WDR19: variants seen among roughly 807,000 people sequenced by gnomAD.
The protein encoded by WDR19 is WD repeat-containing protein 19.
In WDR19, 121 loss-of-function variants were observed where a neutral mutation model predicts 180.0. The ratio of observed to expected loss-of-function variants is 0.67; its 90% CI spans 0.58 to 0.78. The LOEUF (loss-of-function observed/expected upper bound fraction) is 0.78, where lower values mean the gene tolerates loss of function less well. WDR19 is among the 30% of genes least tolerant of loss of function. The probability of loss-of-function intolerance (pLI) is 0.00; values close to 1 mark genes in which losing one functional copy is unlikely to be tolerated. For synonymous variants in WDR19, 497 were observed against 540.7 expected (o/e 0.92, Z 1.12); for missense variants, 1,450 against 1,640.7 (o/e 0.88, Z 2.01).
chr4:39,245,743 A>C (rs1411286707), intron 24 of WDR19, among the ~76,000 whole-genome samples: 2 of 152,222 alleles, frequency 1.3e-5, no homozygotes, highest in African/African-American at 4.8e-5. Context: ...TTGTTATTTT[A>C]TTAAGAAGGA....
chr4:39,285,590 T>C lies in WDR19; in HGVS notation c.*117T>C, dbSNP rs1737119202. The C allele has an allele frequency of 6.6e-6, 1 of 152,220 alleles. No individual in the cohort carries two copies. Among genetic ancestry groups the C allele is most frequent in the Non-Finnish European group, 1.5e-5 (1 of 68,048 alleles). The allele number at this position is 152,220 out of a possible 1,614,324, so 9.4% of individuals were successfully genotyped here. On this transcript the variant is annotated 3_prime_UTR_variant, in exon 37 of 37. Coordinates refer to ENST00000399820, the MANE Select transcript of WDR19 (RefSeq NM_025132.4). ...TGGATACAGAGAAATGAAACAACGG[T>C]GACCTCTCCAGGTCGGCACTTTCCA...
chr4:39,263,305 A>G (rs1458987507), intron 28 of WDR19, among the ~76,000 whole-genome samples: 1 of 152,074 alleles, frequency 6.6e-6, no homozygotes, highest in Non-Finnish European at 1.5e-5. Flanking sequence ...CTAAATATAG[A>G]AGTCTCGTCT....
intron 36 of WDR19, among the ~76,000 whole-genome samples, chr4:39,284,372 T>C (rs1193023076): frequency 7.5e-6 from 1 of 134,000 alleles, no homozygotes; most frequent in Non-Finnish European, 1.6e-5. Flanking sequence ...AGGATCTCAC[T>C]CTGCTGCCTG....
chr4:39,218,758 C>A (rs1729349521), intron 14 of WDR19: 1 of 152,400 alleles, frequency 6.6e-6, no homozygotes, highest in African/African-American at 2.4e-5. Context: ...AACTTTTTGA[C>A]TCTTTTGTAG....
intron 9 of WDR19, among the ~76,000 whole-genome samples, chr4:39,209,065 T>G (rs936872850): frequency 1.3e-5 from 2 of 152,170 alleles, no homozygotes; most frequent in African/African-American, 4.8e-5. Flanking sequence ...TTCACATTTT[T>G]TTCAAGTGCC....
chr4:39,282,578 A>G (rs1227457926), intron 36 of WDR19, among the ~76,000 whole-genome samples: 1 of 151,942 alleles, frequency 6.6e-6, no homozygotes, highest in African/African-American at 2.4e-5. Flanking sequence ...TTGTATTTTT[A>G]TTAGAGATGG....
rs115335610 is a variant in WDR19, at chr4:39,274,910, G to A, written c.3668G>A (p.Arg1223His). The A allele has an allele frequency of 8.4e-5, 135 of 1,614,014 alleles. No individual in the cohort carries two copies. Among genetic ancestry groups the A allele is most frequent in the Middle Eastern group, 1.6e-4 (1 of 6,062 alleles). Residue 1223 changes from arginine (R) to histidine (H), a missense_variant, in exon 33 of 37, where the codon CGC becomes CAC. Coordinates refer to ENST00000399820, the MANE Select transcript of WDR19 (RefSeq NM_025132.4). ...FAAMLMRPEY[R>H]SKIDAKYKKK... ...GCTATGTTGATGAGGCCTGAATACCGCAGCAAAATAGATGCCAAATACAAA... is the reference window on the plus strand; with the variant it reads ...GCTATGTTGATGAGGCCTGAATACCACAGCAAAATAGATGCCAAATACAAA...
At chr4:39,185,870 C>T (rs1725466304) in intron 2 of WDR19, 53 bp downstream of exon 2, 4 of 1,366,384 alleles carry the variant, frequency 2.9e-6, no homozygotes, top group Non-Finnish European at 4.0e-6. Context: ...TGTAATCACA[C>T]CATCTACTCA....
intron 5 of WDR19, among the ~76,000 whole-genome samples, chr4:39,195,366 CAA>C (rs10710164): frequency 4.6e-4 from 62 of 135,636 alleles, no homozygotes; most frequent in Middle Eastern, 7.5e-3. Context: ...GACTTCATCT[CAA>C]AAAAAAAAAA....
chr4:39,183,614 T>C (rs2109734796), intron 1 of WDR19, among the ~76,000 whole-genome samples: 1 of 152,318 alleles, frequency 6.6e-6, no homozygotes, highest in East Asian at 1.9e-4. Flanking sequence ...AGTGTGGAAA[T>C]TGGAATTGAC....
At chr4:39,275,670 G>T (rs919378420) in intron 33 of WDR19, among the ~76,000 whole-genome samples, 21 of 152,184 alleles carry the variant, frequency 1.4e-4, no homozygotes, top group African/African-American at 5.1e-4. Flanking sequence ...ACCATCCTCA[G>T]GACCTTCAAT....
At chr4:39,196,346 G>A (rs1329370371) in intron 5 of WDR19, among the ~76,000 whole-genome samples, 1 of 152,214 alleles carries the variant, frequency 6.6e-6, no homozygotes, top group Non-Finnish European at 1.5e-5. Context: ...TCAGTGAGGT[G>A]TCTAGTATAC....
At chr4:39,192,907 C>T (rs1726315435) in intron 4 of WDR19, among the ~76,000 whole-genome samples, 1 of 152,178 alleles carries the variant, frequency 6.6e-6, no homozygotes, top group Non-Finnish European at 1.5e-5. Flanking sequence ...CTGGGAACAG[C>T]CCATGAGAAA....
intron 20 of WDR19, 147 bp from the exon 21 acceptor site, chr4:39,240,130 T>A (rs1228789008): frequency 3.4e-6 from 1 of 290,452 alleles, no homozygotes; most frequent in African/African-American, 2.6e-5. Flanking sequence ...TGAGTTGTAA[T>A]TGTGCCACTG....
chr4:39,191,205 T>C (rs1190125111), intron 4 of WDR19, among the ~76,000 whole-genome samples: 3 of 152,260 alleles, frequency 2.0e-5, no homozygotes, highest in African/African-American at 4.8e-5. Flanking sequence ...TACAAAAGCA[T>C]ACCCACTGTT....
intron 5 of WDR19, among the ~76,000 whole-genome samples, chr4:39,199,050 C>T (rs1317871287): frequency 6.6e-6 from 1 of 151,898 alleles, no homozygotes; most frequent in Non-Finnish European, 1.5e-5. Flanking sequence ...GCCTATAGTC[C>T]CAGCTACTTG....
At chr4:39,205,064 C>G in intron 7 of WDR19, 90 bp from the exon 8 acceptor site, 1 of 887,986 alleles carries the variant, frequency 1.1e-6, no homozygotes, top group Non-Finnish European at 1.7e-6. Flanking sequence ...ATTATTTTCA[C>G]AAATTAGGTT....
intron 28 of WDR19, among the ~76,000 whole-genome samples, chr4:39,263,415 A>G (rs769644589): frequency 6.6e-5 from 10 of 151,846 alleles, no homozygotes; most frequent in Non-Finnish European, 1.3e-4. Context: ...TCTGTTCTCC[A>G]CTTCCTTCTC....
chr4:39,276,249 T>C (rs938826102), intron 33 of WDR19, among the ~76,000 whole-genome samples: 2 of 152,142 alleles, frequency 1.3e-5, no homozygotes, highest in East Asian at 1.9e-4. Flanking sequence ...TGGGAGTACA[T>C]AGAATACTCC....
Sources: allele counts gnomAD v4.1 joint callset (sites outside exome capture counted in the v4.1 genomes callset), GRCh38; gene constraint gnomAD v4.1.1; transcripts MANE v1.5; gene names NCBI Gene and HGNC (gene_info 2026-07-23, HGNC 2026-07-21).